Variants in AKAP6 observed in about 807,000 individuals in gnomAD.
The protein encoded by AKAP6 is A-kinase anchoring protein 6.
In AKAP6, 58 loss-of-function variants were observed where a neutral mutation model predicts 188.5. That is an observed-to-expected ratio of 0.31 (90% confidence interval 0.25 to 0.38). AKAP6 has a LOEUF of 0.38. Among genes scored for constraint, AKAP6 ranks in the 10% least tolerant of loss-of-function variants. AKAP6 has a pLI of 1.00. For synonymous variants in AKAP6, 989 were observed against 998.6 expected (o/e 0.99, Z 0.18); for missense variants, 2,710 against 2,740.0 (o/e 0.99, Z 0.24).
chr14:32,416,474 C>T (rs1488368205), intron 1 of AKAP6, among the ~76,000 whole-genome samples: 1 of 152,134 alleles, frequency 6.6e-6, no homozygotes, highest in Non-Finnish European at 1.5e-5. Context: ...TCCCATTCTA[C>T]AGGCTGTCTT....
intron 12 of AKAP6, among the ~76,000 whole-genome samples, chr14:32,799,290 C>T (rs1044228295): frequency 4.6e-5 from 7 of 152,068 alleles, no homozygotes; most frequent in Admixed American, 4.6e-4. Flanking sequence ...TCTGCTGTTT[C>T]CTTGTTTTCC....
At chr14:32,444,009 G>A (rs1383868443) in intron 2 of AKAP6, among the ~76,000 whole-genome samples, 2 of 152,116 alleles carry the variant, frequency 1.3e-5, no homozygotes, top group East Asian at 1.9e-4. Context: ...ATGATGGGAG[G>A]TATATACATA....
At chr14:32,404,931 G>A (rs2138628812) in intron 1 of AKAP6, among the ~76,000 whole-genome samples, 1 of 149,522 alleles carries the variant, frequency 6.7e-6, no homozygotes, top group African/African-American at 2.4e-5. Context: ...AGGAGGGAGG[G>A]AGGGAGGGTG....
intron 1 of AKAP6, among the ~76,000 whole-genome samples, chr14:32,346,414 T>C (rs1566454938): frequency 6.6e-6 from 1 of 152,262 alleles, no homozygotes; most frequent in Non-Finnish European, 1.5e-5. Flanking sequence ...ACAGTATGTT[T>C]GTATTGCATT....
Position 32,390,725 on chromosome 14 carries a change from G to T in AKAP6, c.-34-42735G>T, listed in dbSNP as rs376136863. On this transcript the variant is annotated intron_variant, in intron 1 of 13. Transcript: ENST00000280979. ...ACCATCTGTGGGTCTCTCAGCTGTG[G>T]AAACCAGCACAGTATTTGAAGTGTC... Among the ~76,000 whole-genome samples the T allele has an allele frequency of 3.9e-5, 6 of 152,228 alleles. No homozygotes were observed. The South Asian group carries it at 8.3e-4, about 21-fold the overall frequency.
At chr14:32,686,548 T>C (rs377197707) in intron 8 of AKAP6, among the ~76,000 whole-genome samples, 5 of 152,254 alleles carry the variant, frequency 3.3e-5, no homozygotes, top group South Asian at 4.1e-4. Context: ...TAATATCTCA[T>C]GTACTCCATA....
chr14:32,495,692 C>T (rs1880281696), intron 2 of AKAP6, among the ~76,000 whole-genome samples: 1 of 152,192 alleles, frequency 6.6e-6, no homozygotes, highest in African/African-American at 2.4e-5. Context: ...TTACCTTCCT[C>T]TTTTCTGTTT....
chr14:32,448,092 A>G (rs1406301762), intron 2 of AKAP6, among the ~76,000 whole-genome samples: 2 of 152,240 alleles, frequency 1.3e-5, no homozygotes, highest in Non-Finnish European at 2.9e-5. Flanking sequence ...TTGGATAACA[A>G]TACTTCAGTG....
intron 1 of AKAP6, among the ~76,000 whole-genome samples, chr14:32,432,890 C>T (rs913583009): frequency 1.8e-4 from 28 of 152,116 alleles, no homozygotes; most frequent in Admixed American, 1.8e-3. Flanking sequence ...AAGTGGAACC[C>T]GTGTTTCTAC....
intron 1 of AKAP6, among the ~76,000 whole-genome samples, chr14:32,400,888 A>G (rs1012611193): frequency 1.3e-5 from 2 of 152,212 alleles, no homozygotes; most frequent in African/African-American, 4.8e-5. Flanking sequence ...CCTGGGGACC[A>G]CAATATAAGA....
chr14:32,779,844 A>G (rs1032121992), intron 12 of AKAP6, among the ~76,000 whole-genome samples: 2 of 152,190 alleles, frequency 1.3e-5, no homozygotes, highest in African/African-American at 4.8e-5. Flanking sequence ...CAAGGCTTTT[A>G]TCAAAAGGAT....
intron 1 of AKAP6, among the ~76,000 whole-genome samples, chr14:32,335,187 A>G (rs975217328): frequency 1.3e-5 from 2 of 152,108 alleles, no homozygotes; most frequent in Admixed American, 6.6e-5. Context: ...CTTGTTTTGT[A>G]TGGCTGCTGG....
At chr14:32,766,786 A>T (rs551565155) in intron 11 of AKAP6, among the ~76,000 whole-genome samples, 64 of 152,248 alleles carry the variant, frequency 4.2e-4, no homozygotes, top group African/African-American at 1.5e-3. Flanking sequence ...TGAAGCCCAA[A>T]AGTTGCTTAT....
chr14:32,403,003 A>T (rs1889150345), intron 1 of AKAP6: 1 of 152,246 alleles, frequency 6.6e-6, no homozygotes, highest in African/African-American at 2.4e-5. Context: ...AAGTGCTGGG[A>T]TTATAGGTGT....
intron 4 of AKAP6, among the ~76,000 whole-genome samples, chr14:32,574,890 G>A (rs574849268): frequency 5.0e-4 from 76 of 152,180 alleles, no homozygotes; most frequent in Non-Finnish European, 9.0e-4. Flanking sequence ...AAGTTTTCAC[G>A]AAAATTTTAA....
At chr14:32,555,057 A>G (rs1441991834) in intron 4 of AKAP6, among the ~76,000 whole-genome samples, 1 of 152,238 alleles carries the variant, frequency 6.6e-6, no homozygotes, top group Non-Finnish European at 1.5e-5. Context: ...ATTTTGTCCT[A>G]GAGACATCTA....
rs139520287 is a variant in AKAP6 at position 32,556,709 on chromosome 14, A to G, written c.2346+9710A>G. 2.7e-3 allele frequency among the ~76,000 whole-genome samples: 412 copies of G among 152,202 alleles called. 3 individuals carry two copies. Among genetic ancestry groups the G allele is most frequent in the African/African-American group, 9.4e-3 (392 of 41,526 alleles). ...ATTATTTTCTCCCATTCTGTAGCCT[A>G]TTTACTCTGTTGGTGGTGTCCTTTG... On this transcript the variant is annotated intron_variant, in intron 4 of 13. Coordinates refer to ENST00000280979, the MANE Select transcript of AKAP6 (RefSeq NM_004274.5).
chr14:32,634,922 G>C (rs2139466193), intron 7 of AKAP6, among the ~76,000 whole-genome samples: 1 of 151,464 alleles, frequency 6.6e-6, no homozygotes, highest in East Asian at 1.9e-4. Context: ...ATAAGTTTTT[G>C]GGGAACGGGT....
At chr14:32,379,075 C>T (rs552549243) in intron 1 of AKAP6, among the ~76,000 whole-genome samples, 58 of 152,088 alleles carry the variant, frequency 3.8e-4, no homozygotes, top group African/African-American at 8.4e-4. Context: ...TGCACCACCA[C>T]GCCTGGCTAC....
Sources: allele counts gnomAD v4.1 joint callset (sites outside exome capture counted in the v4.1 genomes callset), GRCh38; gene constraint gnomAD v4.1.1; transcripts MANE v1.5; gene names NCBI Gene and HGNC (gene_info 2026-07-23, HGNC 2026-07-21).